MYT1: variants seen among roughly 807,000 people sequenced by gnomAD.
MYT1 encodes myelin transcription factor I.
Under a neutral mutation model 123.0 loss-of-function variants are expected in MYT1, and 23 were observed. The observed-to-expected ratio is 0.19, with a 90% CI of 0.13 to 0.26. MYT1 has a LOEUF of 0.26. Ranked by LOEUF, MYT1 falls within the 10% of genes least tolerant of loss-of-function variation. The pLI, the probability that MYT1 is intolerant of heterozygous loss-of-function variation, is 1.00. For missense variants in MYT1, 1,125 were observed against 1,472.5 expected, an observed-to-expected ratio of 0.76 and a Z score of 3.86; for synonymous variants, 518 against 575.3, an observed-to-expected ratio of 0.90 and a Z score of 1.43.
intron 10 of MYT1, among the ~76,000 whole-genome samples, chr20:64,214,221 G>T (rs769560229): frequency 6.6e-6 from 1 of 152,102 alleles, no homozygotes; most frequent in Non-Finnish European, 1.5e-5. Context: ...ATGTGGGAGC[G>T]TGTGTGTGCA....
chr20:64,235,333 C>T (rs1984479859), intron 19 of MYT1, among the ~76,000 whole-genome samples: 1 of 107,826 alleles, frequency 9.3e-6, no homozygotes, highest in African/African-American at 4.0e-5. Flanking sequence ...CCTGGGCTGG[C>T]CGTGGTGGGT....
At chr20:64,219,664 A>T (rs2145724102) in intron 12 of MYT1, 49 bp from the exon 13 acceptor site, 3 of 1,506,028 alleles carry the variant, frequency 2.0e-6, no homozygotes, top group Middle Eastern at 3.5e-4. Flanking sequence ...CAGAAGGCAC[A>T]CATGGGAAGG....
In MYT1 at chr20:64,232,200, C is replaced by T. The variant is rs750676329; in HGVS notation, c.2712C>T (p.Ile904=). 3.7e-6 allele frequency: 6 copies of T among 1,613,006 alleles called. No homozygotes were observed. The South Asian group carries it at 6.6e-5, about 18-fold the overall frequency. Residue 904 remains isoleucine, a synonymous_variant, in exon 19 of 23, where the codon ATC becomes ATT. Transcript: ENST00000328439. This position sits in a 1 kb window ranked among gnomAD's most constrained non-coding sequence, Gnocchi z 6.9. The part of the protein sequence containing the change: ...PVPGCVGLGH[I]SGKYASHRSA... ...CAGGCTGTGTGGGGCTCGGTCACAT[C>T]AGCGGGAAATACGCCTCTCACAGGA...
chr20:64,207,899 C>G lies in MYT1; in HGVS notation c.703C>G (p.Leu235Val), dbSNP rs749223304. ...AGTCACCACCGAGCGCTCCCAGGAC[C>G]TGTGTCCCCAGTCCCTGGAGGATGC... ...VEVTTERSQDLCPQSLEDAAS... is the reference protein window; with the variant it reads ...VEVTTERSQDVCPQSLEDAAS... Residue 235 changes from leucine (L) to valine (V), a missense_variant, in exon 7 of 23, where the codon CTG becomes GTG. Coordinates refer to ENST00000328439, the MANE Select transcript of MYT1 (RefSeq NM_004535.3). 1 of 1,612,940 alleles carries G rather than the reference C, an allele frequency of 6.2e-7. No homozygotes were observed. The highest frequency in any genetic ancestry group is 1.1e-5 in the South Asian group (1 of 90,954).
intron 1 of MYT1, among the ~76,000 whole-genome samples, chr20:64,170,113 C>A (rs889873651): frequency 1.3e-5 from 2 of 152,152 alleles, no homozygotes; most frequent in South Asian, 4.1e-4. Context: ...CCTTATTCTC[C>A]GTCCCAAACT....
chr20:64,221,638 C>A (rs1984005227), intron 13 of MYT1, among the ~76,000 whole-genome samples: 1 of 152,178 alleles, frequency 6.6e-6, no homozygotes, highest in Non-Finnish European at 1.5e-5. Flanking sequence ...CCACACTGGG[C>A]AGCACCAGGC....
At chr20:64,227,367 G>A (rs1164439044) in intron 16 of MYT1, 48 bp from the exon 17 acceptor site, 2 of 1,594,880 alleles carry the variant, frequency 1.3e-6, no homozygotes, top group Admixed American at 1.7e-5. Context: ...CTGGGCCGGG[G>A]CTAAACGCCT....
In MYT1 at chr20:64,171,868, G is replaced by A. The variant is rs1040545810; in HGVS notation, c.-99+7129G>A. On this transcript the variant is annotated intron_variant, in intron 1 of 22. Transcript: ENST00000328439. Reference sequence around the variant, plus strand: ...TAACCCCCTACACCTCTGGCATCTGGAGGAACCCAAACCCTAACCCCCTAC... The same window carrying A: ...TAACCCCCTACACCTCTGGCATCTGAAGGAACCCAAACCCTAACCCCCTAC... Among the ~76,000 whole-genome samples the A allele has an allele frequency of 8.6e-5, 13 of 151,630 alleles. 1 individual carries two copies. Among genetic ancestry groups the A allele is most frequent in the Admixed American group, 8.5e-4 (13 of 15,230 alleles).
At chr20:64,219,408 G>A (rs544119682) in intron 12 of MYT1, among the ~76,000 whole-genome samples, 26 of 152,156 alleles carry the variant, frequency 1.7e-4, no homozygotes, top group Admixed American at 2.6e-4. Context: ...CGTGTTTCCC[G>A]CAGTCTTGTG....
intron 14 of MYT1, 30 bp downstream of exon 14, chr20:64,222,077 T>C: frequency 3.7e-6 from 6 of 1,610,168 alleles, no homozygotes; most frequent in Non-Finnish European, 5.1e-6. Flanking sequence ...GCACAGCTCC[T>C]AGGGGACCCT....
Position 64,178,864 on chromosome 20 carries a change from C to T in MYT1, c.-98-11199C>T, listed in dbSNP as rs415612. Among the ~76,000 whole-genome samples, 322 of 128,810 alleles carry T rather than the reference C, an allele frequency of 2.5e-3. 5 individuals are homozygous for T. Among genetic ancestry groups the T allele is most frequent in the Non-Finnish European group, 4.0e-3 (247 of 61,966 alleles). The allele number at this position is 128,810 out of a possible 152,430, so 84.5% of individuals were successfully genotyped here. A position where few individuals can be genotyped will look rare whatever the true frequency, so the allele number is the denominator to read the frequency against. Reference sequence around the variant, plus strand: ...ACTGAGCCGTTATTCGGTGGGATACCCTTCAACGTGGGAGCACTAAGCCGT... The same window carrying T: ...ACTGAGCCGTTATTCGGTGGGATACTCTTCAACGTGGGAGCACTAAGCCGT... On this transcript the variant is annotated intron_variant, in intron 1 of 22. Transcript: ENST00000328439.
intron 1 of MYT1, among the ~76,000 whole-genome samples, chr20:64,183,824 CATTT>C (rs1372603740): frequency 6.6e-6 from 1 of 152,012 alleles, no homozygotes. Flanking sequence ...TAGTGTTATT[CATTT>C]ATTTATTTTT....
In MYT1 at chr20:64,212,073, G is replaced by A. The variant is rs372371101; in HGVS notation, c.1452G>A (p.Leu484=). ...PEILAMHENV[L]KCPTPGCTGQ... ...TCTTAGCCATGCATGAGAACGTGCT[G>A]AAGTGCCCCACTCCTGGCTGCACAG... The change falls in exon 9 of 23, where the codon CTG becomes CTA. Residue 484 remains leucine (L), a synonymous_variant. Transcript: ENST00000328439. This position sits in a 1 kb window ranked among gnomAD's most constrained non-coding sequence, Gnocchi z 6.8. 6.2e-7 allele frequency: 1 copy of A among 1,613,878 alleles called. No individual in the cohort carries two copies. The highest frequency in any genetic ancestry group is 8.5e-7 in the Non-Finnish European group (1 of 1,179,908).
At chr20:64,225,066 T>G (rs902497174) in intron 16 of MYT1, among the ~76,000 whole-genome samples, 5 of 152,168 alleles carry the variant, frequency 3.3e-5, no homozygotes, top group Non-Finnish European at 5.9e-5. Flanking sequence ...TCAGCAGGGT[T>G]TGGGCAGGCA....
At chr20:64,226,139 G>A (rs2145728218) in intron 16 of MYT1, among the ~76,000 whole-genome samples, 1 of 152,328 alleles carries the variant, frequency 6.6e-6, no homozygotes, top group Admixed American at 6.5e-5. Flanking sequence ...GCCAACCCAG[G>A]AAGGAGAGGC....
At chr20:64,207,535 G>C (rs528234024) in intron 6 of MYT1, 59 bp from the exon 7 acceptor site, 2 of 1,565,276 alleles carry the variant, frequency 1.3e-6, no homozygotes, top group African/African-American at 2.7e-5. Flanking sequence ...TTGGGGACTG[G>C]AGACCTGGAG....
At chr20:64,200,916 C>T (rs549797803) in intron 4 of MYT1, among the ~76,000 whole-genome samples, 4 of 152,288 alleles carry the variant, frequency 2.6e-5, no homozygotes, top group East Asian at 3.9e-4. Flanking sequence ...AGAACACAGT[C>T]CCCGGAAGCA....
intron 1 of MYT1, among the ~76,000 whole-genome samples, chr20:64,182,704 G>A (rs1982688334): frequency 6.6e-6 from 1 of 152,032 alleles, no homozygotes; most frequent in Non-Finnish European, 1.5e-5. Context: ...GGAGTGATAG[G>A]CATCAAGGTG....
chr20:64,198,806 T>C, intron 2 of MYT1, 56 bp from the exon 3 acceptor site: 1 of 1,587,784 alleles, frequency 6.3e-7, no homozygotes, highest in Non-Finnish European at 8.6e-7. Context: ...GATGGCTCTG[T>C]ACTCCAGAGG....
Sources: allele counts gnomAD v4.1 joint callset (sites outside exome capture counted in the v4.1 genomes callset), GRCh38; gene constraint gnomAD v4.1.1; non-coding constraint Gnocchi (gnomAD v3.1); transcripts MANE v1.5; gene names NCBI Gene and HGNC (gene_info 2026-07-23, HGNC 2026-07-21).